Variants in CCSER1 observed in about 807,000 individuals in gnomAD.
CCSER1 encodes the protein serine-rich coiled-coil domain-containing protein 1.
Under a neutral mutation model 82.0 loss-of-function variants are expected in CCSER1, and 41 were observed. The observed-to-expected ratio is 0.50, with a 90% CI of 0.39 to 0.65. The LOEUF (loss-of-function observed/expected upper bound fraction) is 0.65, where lower values mean the gene tolerates loss of function less well. Among genes scored for constraint, CCSER1 ranks in the 30% least tolerant of loss-of-function variants. The probability of loss-of-function intolerance (pLI) is 0.00; values close to 1 mark genes in which losing one functional copy is unlikely to be tolerated. For synonymous variants in CCSER1, 414 were observed against 383.9 expected (o/e 1.08, Z -0.92); for missense variants, 1,119 against 1,064.2 (o/e 1.05, Z -0.72).
chr4:90,763,508 TATCTC>T (rs1750724547), intron 7 of CCSER1, among the ~76,000 whole-genome samples: 2 of 152,208 alleles, frequency 1.3e-5, no homozygotes, highest in South Asian at 4.1e-4. Context: ...ATTTGTGAGT[TATCTC>T]AACCACAGAG....
rs564236825 is a variant in CCSER1 at position 90,578,703 on chromosome 4, C to T, written c.1725-49322C>T. 9.9e-5 allele frequency among the ~76,000 whole-genome samples: 15 copies of T among 152,214 alleles called. No individual in the cohort carries two copies. In the East Asian group the frequency reaches 2.1e-3, roughly 22 times the overall value. On this transcript the variant is annotated intron_variant, in intron 5 of 10. Coordinates refer to ENST00000509176, the MANE Select transcript of CCSER1 (RefSeq NM_001145065.2). Reference sequence around the variant, plus strand: ...CTTTTGCTATGTGGCAGCATATTTACGAGTTCCAAGTATTAGGACATGGCC... The same window carrying T: ...CTTTTGCTATGTGGCAGCATATTTATGAGTTCCAAGTATTAGGACATGGCC...
chr4:90,717,976 G>A (rs1449030520), intron 6 of CCSER1, among the ~76,000 whole-genome samples: 1 of 151,580 alleles, frequency 6.6e-6, no homozygotes, highest in Non-Finnish European at 1.5e-5. Flanking sequence ...TTTTTGAATG[G>A]CTGAATAAAT....
intron 4 of CCSER1, among the ~76,000 whole-genome samples, chr4:90,432,961 A>C (rs973542511): frequency 9.2e-5 from 14 of 152,076 alleles, no homozygotes; most frequent in Non-Finnish European, 2.9e-5. Flanking sequence ...TTTAAAGCTC[A>C]GTTCTTAGAC....
At chr4:90,388,590 G>A (rs777065290) in intron 3 of CCSER1, among the ~76,000 whole-genome samples, 2 of 151,352 alleles carry the variant, frequency 1.3e-5, no homozygotes, top group Non-Finnish European at 2.9e-5. Context: ...AATTACAGGC[G>A]TGAGCCACCA....
intron 9 of CCSER1, among the ~76,000 whole-genome samples, chr4:91,071,656 CT>C (rs1459372926): frequency 6.6e-6 from 1 of 152,190 alleles, no homozygotes; most frequent in African/African-American, 2.4e-5. Flanking sequence ...TGCATTCTCT[CT>C]TTTTATGATC....
intron 3 of CCSER1, among the ~76,000 whole-genome samples, chr4:90,337,989 C>A (rs1244877500): frequency 4.6e-5 from 7 of 152,094 alleles, no homozygotes; most frequent in Admixed American, 4.6e-4. Context: ...AAGGGTAGTT[C>A]CTCACAGTTT....
intron 8 of CCSER1, among the ~76,000 whole-genome samples, chr4:90,870,413 A>G (rs1766320874): frequency 6.6e-6 from 1 of 151,728 alleles, no homozygotes; most frequent in Non-Finnish European, 1.5e-5. Context: ...AATAATATTG[A>G]GTTTTATTAA....
chr4:90,777,129 G>C lies in CCSER1; in HGVS notation c.2011-38633G>C, dbSNP rs182379771. On this transcript the variant is annotated intron_variant, in intron 7 of 10. Coordinates refer to ENST00000509176, the MANE Select transcript of CCSER1 (RefSeq NM_001145065.2). ...CCAGCACTTTGGGAGGTTGAGGCGG[G>C]TGGATCACCTGAGGGTCAAGAGTTC... Among the ~76,000 whole-genome samples, 11 of 152,198 alleles carry C rather than the reference G, an allele frequency of 7.2e-5. No homozygotes were observed. In the South Asian group the frequency reaches 2.1e-3, roughly 29 times the overall value.
At chr4:90,667,529 T>G (rs2149128106) in intron 6 of CCSER1, among the ~76,000 whole-genome samples, 1 of 152,154 alleles carries the variant, frequency 6.6e-6, no homozygotes, top group Admixed American at 6.5e-5. Context: ...TGGGTGATGT[T>G]CCCCTCCCTG....
chr4:91,575,200 A>G (rs1200998331), intron 10 of CCSER1, among the ~76,000 whole-genome samples: 2 of 152,004 alleles, frequency 1.3e-5, no homozygotes, highest in African/African-American at 4.8e-5. Context: ...TATCCATACC[A>G]TATACAAAGA....
At chr4:91,135,651 C>A (rs1728392254) in intron 10 of CCSER1, among the ~76,000 whole-genome samples, 1 of 152,052 alleles carries the variant, frequency 6.6e-6, no homozygotes, top group South Asian at 2.1e-4. Context: ...CAGACACCTA[C>A]ACATGCACAC....
intron 1 of CCSER1, among the ~76,000 whole-genome samples, chr4:90,183,625 C>T (rs138225214): frequency 2.0e-5 from 3 of 152,222 alleles, no homozygotes; most frequent in African/African-American, 7.2e-5. Context: ...GTTATAATAA[C>T]TCTGAAAAGG....
chr4:91,355,812 G>A (rs997945955), intron 10 of CCSER1, among the ~76,000 whole-genome samples: 1 of 152,158 alleles, frequency 6.6e-6, no homozygotes, highest in Non-Finnish European at 1.5e-5. Context: ...TGATGTGTAA[G>A]GGTGGTCTCA....
chr4:90,534,341 G>T lies in CCSER1; in HGVS notation c.1724+65987G>T, dbSNP rs753683256. ...AGACGGGGTTTCACCATGTTAGCCA[G>T]TATGGTCTTGATCTTCTGACCTCGT... On this transcript the variant is annotated intron_variant, in intron 5 of 10. Coordinates refer to ENST00000509176, the MANE Select transcript of CCSER1 (RefSeq NM_001145065.2). Among the ~76,000 whole-genome samples the T allele has an allele frequency of 2.6e-5, 4 of 152,130 alleles. No homozygotes were observed. The East Asian group carries it at 7.7e-4, about 29-fold the overall frequency.
intron 8 of CCSER1, among the ~76,000 whole-genome samples, chr4:90,894,944 G>T (rs562535894): frequency 4.6e-5 from 7 of 152,052 alleles, no homozygotes; most frequent in African/African-American, 1.7e-4. Context: ...AATTAATTTA[G>T]ATTAATCAAG....
intron 5 of CCSER1, among the ~76,000 whole-genome samples, chr4:90,606,285 GCAAA>G (rs1200482331): frequency 1.3e-4 from 20 of 152,152 alleles, no homozygotes; most frequent in African/African-American, 3.9e-4. Flanking sequence ...TCATCATTGT[GCAAA>G]CAGAGTGTAC....
chr4:90,247,955 C>T (rs993204867), intron 1 of CCSER1, among the ~76,000 whole-genome samples: 7 of 151,768 alleles, frequency 4.6e-5, no homozygotes, highest in Non-Finnish European at 7.4e-5. Flanking sequence ...CCAGTATTGC[C>T]AATATATCTT....
intron 1 of CCSER1, among the ~76,000 whole-genome samples, chr4:90,256,688 A>G (rs1723347631): frequency 1.3e-5 from 2 of 152,178 alleles, no homozygotes; most frequent in Non-Finnish European, 2.9e-5. Flanking sequence ...TGAGATTGCT[A>G]TGGCAGGTTC....
chr4:91,453,357 A>G (rs1755972321), intron 10 of CCSER1, among the ~76,000 whole-genome samples: 1 of 151,900 alleles, frequency 6.6e-6, no homozygotes, highest in Non-Finnish European at 1.5e-5. Context: ...GCCCCATTGT[A>G]TTTTGAATTC....
Sources: gnomAD v4.1 joint callset for allele counts (sites outside exome capture counted in the v4.1 genomes callset) on GRCh38, gnomAD v4.1.1 for gene constraint, MANE v1.5 for transcripts, NCBI Gene and HGNC (gene_info 2026-07-23, HGNC 2026-07-21) for gene names.